ZC3H14: variants seen among roughly 807,000 people sequenced by gnomAD.
The protein encoded by ZC3H14 is zinc finger CCCH domain-containing protein 14.
A neutral mutation model predicts 92.4 loss-of-function variants in ZC3H14; 31 were observed. The observed-to-expected ratio is 0.34, with a 90% CI of 0.25 to 0.45. The LOEUF (loss-of-function observed/expected upper bound fraction) is 0.45, where lower values mean the gene tolerates loss of function less well. Ranked by LOEUF, ZC3H14 falls within the 20% of genes least tolerant of loss-of-function variation. The pLI, the probability that ZC3H14 is intolerant of heterozygous loss-of-function variation, is 1.00. For missense variants in ZC3H14, 781 were observed against 897.3 expected (o/e 0.87, Z 1.66); for synonymous variants, 321 against 300.9 (o/e 1.07, Z -0.69).
intron 9 of ZC3H14, among the ~76,000 whole-genome samples, chr14:88,578,964 C>A (rs990978259): frequency 4.6e-5 from 7 of 151,718 alleles, no homozygotes; most frequent in Non-Finnish European, 1.0e-4. Context: ...GTTATCTGAC[C>A]CCTGGGCCTG....
At chr14:88,571,780 A>T (rs897622249) in intron 4 of ZC3H14, among the ~76,000 whole-genome samples, 1 of 152,148 alleles carries the variant, frequency 6.6e-6, no homozygotes, top group Non-Finnish European at 1.5e-5. Context: ...GCCAACCAAC[A>T]TGGTGAATCT....
chr14:88,573,956 T>C (rs1338823539), intron 6 of ZC3H14, among the ~76,000 whole-genome samples: 1 of 152,196 alleles, frequency 6.6e-6, no homozygotes, highest in Non-Finnish European at 1.5e-5. Context: ...CTGTTTCTCA[T>C]GCTATACCAG....
chr14:88,584,531 G>T (rs1012954598), intron 9 of ZC3H14, among the ~76,000 whole-genome samples: 3 of 152,170 alleles, frequency 2.0e-5, no homozygotes, highest in Non-Finnish European at 4.4e-5. Flanking sequence ...ACATAAAGAT[G>T]CAGTAATAGC....
At chr14:88,566,868 C>T (rs1320957960) in intron 2 of ZC3H14, among the ~76,000 whole-genome samples, 6 of 150,342 alleles carry the variant, frequency 4.0e-5, no homozygotes, top group East Asian at 2.0e-4. Flanking sequence ...TGCAGTGAGC[C>T]GAGATTGTGC....
rs150326670 is a variant in ZC3H14, at chr14:88,580,489, A to G, written c.1279+2349A>G. ...GGCTACAGAAAACAGCAATTTAAAA[A>G]TAAATAAAATTAAAACATCTTCAGA... is the stretch of plus-strand genomic sequence containing the variant. On this transcript the variant is annotated intron_variant, in intron 9 of 16. Coordinates refer to ENST00000251038, the MANE Select transcript of ZC3H14 (RefSeq NM_024824.5). 3.2e-4 allele frequency among the ~76,000 whole-genome samples: 48 copies of G among 152,352 alleles called. 1 individual carries two copies. In the East Asian group the frequency reaches 9.2e-3, roughly 29 times the overall value.
chr14:88,572,060 A>G lies in ZC3H14; in HGVS notation c.266A>G (p.Asn89Ser). Residue 89 changes from asparagine (N) to serine (S), a missense_variant, in exon 5 of 17, where the codon AAC becomes AGC. This residue lies in a region of ZC3H14 where 106 missense variants were observed against 154.2 expected (regional missense o/e 0.69). Coordinates refer to ENST00000251038, the MANE Select transcript of ZC3H14 (RefSeq NM_024824.5). ...EPSSLKSSDT[N>S]IFDSNVPSNK... ...TCTAGTCTGAAGTCTTCTGATACCA[A>G]CATCTTTGATAGTAACGTGCCTTCA... 1 of 1,614,154 alleles carries G rather than the reference A, an allele frequency of 6.2e-7. No homozygotes were observed. Among genetic ancestry groups the G allele is most frequent in the Non-Finnish European group, 8.5e-7 (1 of 1,180,040 alleles).
At chr14:88,570,648 A>T (rs907565248) in intron 3 of ZC3H14, among the ~76,000 whole-genome samples, 1 of 152,212 alleles carries the variant, frequency 6.6e-6, no homozygotes, top group African/African-American at 2.4e-5. Context: ...TATTTTGTAG[A>T]CTAAGACTGG....
chr14:88,581,602 G>C (rs1302875231), intron 9 of ZC3H14, among the ~76,000 whole-genome samples: 1 of 152,074 alleles, frequency 6.6e-6, no homozygotes, highest in Non-Finnish European at 1.5e-5. Context: ...TAGGCTTCTT[G>C]AGAAATGTCT....
At position 88,627,214 on chromosome 14, in the gene ZC3H14, G is replaced by A; in HGVS notation, c.*15463G>A. 1 of 645,472 alleles carries A rather than the reference G, an allele frequency of 1.5e-6. No individual in the cohort carries two copies. 40.0% of individuals were successfully genotyped at this position (645,472 alleles called of 1,614,324 possible). ...CATGATTTACAATTATTTGTGTATT[G>A]AGTCCTTTTCACTTATCTTCGCTCC... On this transcript the variant is annotated 3_prime_UTR_variant, in exon 17 of 17. Coordinates refer to ENST00000251038, the MANE Select transcript of ZC3H14 (RefSeq NM_024824.5).
At chr14:88,604,400 C>G (rs2085054317) in intron 12 of ZC3H14, among the ~76,000 whole-genome samples, 3 of 152,042 alleles carry the variant, frequency 2.0e-5, no homozygotes, top group Non-Finnish European at 4.4e-5. Context: ...GCTGGAGAGA[C>G]TCCTGCAGAA....
chr14:88,566,032 C>G lies in ZC3H14; in HGVS notation c.80-2007C>G, dbSNP rs1269978393. Among the ~76,000 whole-genome samples, 2 of 28,112 alleles carry G rather than the reference C, an allele frequency of 7.1e-5. 1 individual carries two copies. Among genetic ancestry groups the G allele is most frequent in the African/African-American group, 1.7e-4 (2 of 12,070 alleles). 18.4% of individuals were successfully genotyped at this position (28,112 alleles called of 152,430 possible). A position where few individuals can be genotyped will look rare whatever the true frequency, so the allele number is the denominator to read the frequency against. On this transcript the variant is annotated intron_variant, in intron 2 of 16. Transcript: ENST00000251038. The stretch of plus-strand genomic sequence containing the variant: ...ACAGGCACCTGCCACCACCCCGCCC[C>G]CCCCCCCCGGCTAATTTTTGTGTTT...
intron 15 of ZC3H14, among the ~76,000 whole-genome samples, 188 bp from the exon 16 acceptor site, chr14:88,610,645 TA>T (rs11453178): frequency 2.8e-5 from 4 of 144,504 alleles, no homozygotes; most frequent in South Asian, 4.5e-4. Context: ...CCCCATCTCT[TA>T]AAAAAAAAAA....
At chr14:88,600,424 CT>C (rs1293317672) in intron 10 of ZC3H14, among the ~76,000 whole-genome samples, 2 of 151,544 alleles carry the variant, frequency 1.3e-5, no homozygotes, top group Admixed American at 6.6e-5. Flanking sequence ...TTAGGAACCT[CT>C]CTTGATTTCT....
intron 10 of ZC3H14, among the ~76,000 whole-genome samples, chr14:88,600,935 G>C (rs1406210183): frequency 6.6e-6 from 1 of 151,878 alleles, no homozygotes; most frequent in Admixed American, 6.6e-5. Context: ...TTCCTTCTAC[G>C]TGCGTTTTCC....
intron 12 of ZC3H14, among the ~76,000 whole-genome samples, chr14:88,606,450 T>C (rs1013896027): frequency 1.3e-5 from 2 of 152,166 alleles, no homozygotes; most frequent in African/African-American, 2.4e-5. Context: ...TGTGACCCCA[T>C]TGTAGGTAAA....
rs1024284075 is a variant in ZC3H14, at chr14:88,614,124, T to C, written c.*2373T>C. 2 of 152,218 alleles carry C rather than the reference T, an allele frequency of 1.3e-5. No homozygotes were observed. Among genetic ancestry groups the C allele is most frequent in the East Asian group, 3.8e-4 (2 of 5,204 alleles). 9.4% of individuals were successfully genotyped at this position (152,218 alleles called of 1,614,324 possible). A position where few individuals can be genotyped will look rare whatever the true frequency, so the allele number is the denominator to read the frequency against. On this transcript the variant is annotated 3_prime_UTR_variant, in exon 17 of 17. Transcript: ENST00000251038. ...TCTCTGTAGCCAAAAGCTGGCAAAC[T>C]TGACCCAGAGGGAAAATTTAAAACT...
At chr14:88,574,953 T>A in intron 7 of ZC3H14, 100 bp downstream of exon 7, 1 of 1,555,676 alleles carries the variant, frequency 6.4e-7, no homozygotes, top group Non-Finnish European at 8.7e-7. Flanking sequence ...TGTTTGTTTT[T>A]TGAGACGGAG....
rs756069128 is a variant in ZC3H14 at position 88,602,093 on chromosome 14, T to C, written c.1514+10T>C. On this transcript the variant is annotated intron_variant, in intron 11 of 16. Transcript: ENST00000251038. ...ACCTTATGCAGACACGGTAGATGGT[T>C]TCTTTTTCTTGTGTAGTTAATTTGT... The C allele has an allele frequency of 6.2e-7, 1 of 1,613,674 alleles. No individual in the cohort carries two copies. The highest frequency in any genetic ancestry group is 8.5e-7 in the Non-Finnish European group (1 of 1,179,670).
chr14:88,571,306 T>G (rs1048538382), intron 4 of ZC3H14, among the ~76,000 whole-genome samples, 182 bp downstream of exon 4: 1 of 152,068 alleles, frequency 6.6e-6, no homozygotes, highest in Non-Finnish European at 1.5e-5. Context: ...CAAAGATAAT[T>G]TAAGTGTGGG....
Sources: gnomAD v4.1 joint callset for allele counts (sites outside exome capture counted in the v4.1 genomes callset) on GRCh38, gnomAD v4.1.1 for gene constraint, gnomAD v4.1.1 regional missense constraint, MANE v1.5 for transcripts, NCBI Gene and HGNC (gene_info 2026-07-23, HGNC 2026-07-21) for gene names.